TECPR2: variants seen among roughly 807,000 people sequenced by gnomAD.
TECPR2 encodes tectonin beta-propeller repeat containing 2.
In TECPR2, 65 loss-of-function variants were observed where a neutral mutation model predicts 138.1. That is an observed-to-expected ratio of 0.47 (90% confidence interval 0.39 to 0.58). The LOEUF is 0.58. Ranked by LOEUF, TECPR2 falls within the 20% of genes least tolerant of loss-of-function variation. The probability of loss-of-function intolerance (pLI) is 0.00; values close to 1 mark genes in which losing one functional copy is unlikely to be tolerated. For missense variants in TECPR2, 1,553 were observed against 1,824.5 expected (o/e 0.85, Z 2.71); for synonymous variants, 746 against 749.8 (o/e 0.99, Z 0.08).
At chr14:102,485,073 G>A (rs1027173622) in intron 17 of TECPR2, among the ~76,000 whole-genome samples, 1 of 152,194 alleles carries the variant, frequency 6.6e-6, no homozygotes, top group Non-Finnish European at 1.5e-5. Flanking sequence ...CTTCTTCAGC[G>A]CCCTGCAGGT....
Position 102,363,091 on chromosome 14 carries a change from C to CGAGTCCGGAGGGGCTGCCGCGGGAGGT in TECPR2, c.-89_-73+10dup. 1 of 474,630 alleles carries CGAGTCCGGAGGGGCTGCCGCGGGAGGT rather than the reference C, an allele frequency of 2.1e-6. No homozygotes were observed. Among genetic ancestry groups the CGAGTCCGGAGGGGCTGCCGCGGGAGGT allele is most frequent in the Non-Finnish European group, 3.7e-6 (1 of 272,452 alleles). The allele number at this position is 474,630 out of a possible 1,614,324, so 29.4% of individuals were successfully genotyped here. A position where few individuals can be genotyped will look rare whatever the true frequency, so the allele number is the denominator to read the frequency against. ...GCCTCCTCCGGCCCGGCGGGGCCGA[C>CGAGTCCGGAGGGGCTGCCGCGGGAGGT]GAGTCCGGAGGGGCTGCCGCGGGAG... On this transcript the variant is annotated 5_prime_UTR_variant, in exon 1 of 20. Transcript: ENST00000359520.
intron 7 of TECPR2, among the ~76,000 whole-genome samples, chr14:102,430,753 A>G (rs1889449480): frequency 6.6e-6 from 1 of 152,110 alleles, no homozygotes; most frequent in African/African-American, 2.4e-5. Context: ...GCCTGTTCTC[A>G]CTCTGCGGTC....
chr14:102,470,296 G>T (rs186884646), intron 17 of TECPR2, among the ~76,000 whole-genome samples: 79 of 148,558 alleles, frequency 5.3e-4, no homozygotes, highest in African/African-American at 1.8e-3. Flanking sequence ...TTCATTATAG[G>T]TCTATTCAGA....
chr14:102,450,550 C>T lies in TECPR2; in HGVS notation c.3317-10C>T. ...TTCTTTAACACATTCTTCCTATTTACTCTTTCCAGGCACCTACTGGAATCA... is the reference window on the plus strand; with the variant it reads ...TTCTTTAACACATTCTTCCTATTTATTCTTTCCAGGCACCTACTGGAATCA... On this transcript the variant is annotated splice_polypyrimidine_tract_variant and intron_variant, in intron 14 of 19. Transcript: ENST00000359520. The T allele has an allele frequency of 6.2e-7, 1 of 1,613,714 alleles. No individual in the cohort carries two copies. Among genetic ancestry groups the T allele is most frequent in the Non-Finnish European group, 8.5e-7 (1 of 1,179,618 alleles).
chr14:102,489,298 G>A (rs765358774), intron 17 of TECPR2, among the ~76,000 whole-genome samples: 12 of 151,846 alleles, frequency 7.9e-5, no homozygotes, highest in Admixed American at 2.0e-4. Context: ...TTCTACCTGG[G>A]ATTTTCCTCT....
intron 17 of TECPR2, among the ~76,000 whole-genome samples, chr14:102,480,127 A>G (rs1322186723): frequency 1.3e-5 from 2 of 151,812 alleles, no homozygotes; most frequent in African/African-American, 4.8e-5. Context: ...CCATCAGAGG[A>G]GCTTATTAAA....
At chr14:102,377,307 GC>G in intron 2 of TECPR2, among the ~76,000 whole-genome samples, 1 of 152,130 alleles carries the variant, frequency 6.6e-6, no homozygotes, top group Non-Finnish European at 1.5e-5. Flanking sequence ...AGGGATGACT[GC>G]CACACCCAGC....
Position 102,425,065 on chromosome 14 carries a change from T to A in TECPR2, c.725T>A (p.Leu242Gln). The change falls in exon 6 of 20, where the codon CTA becomes CAA. Residue 242 changes from leucine (L) to glutamine (Q), a missense_variant. Physicochemically the swap from Leu to Gln is moderately radical, Grantham distance 113. Coordinates refer to ENST00000359520, the MANE Select transcript of TECPR2 (RefSeq NM_014844.5). ...TLYASRPGLR[L>Q]WKADVHGTVQ... ...TATGCGTCACGGCCCGGGCTCCGGC[T>A]ATGGAAGGCTGATGTCCACGGGACT... 6.2e-7 allele frequency: 1 copy of A among 1,614,158 alleles called. No individual in the cohort carries two copies. Among genetic ancestry groups the A allele is most frequent in the African/African-American group, 1.3e-5 (1 of 75,016 alleles).
Position 102,443,504 on chromosome 14 carries a change from A to T in TECPR2, c.2753-143A>T. The T allele has an allele frequency of 1.4e-6, 1 of 695,006 alleles. No individual in the cohort carries two copies. The highest frequency in any genetic ancestry group is 2.0e-6 in the Non-Finnish European group (1 of 490,694). 43.1% of individuals were successfully genotyped at this position (695,006 alleles called of 1,614,324 possible). ...CGTCTATATTTTTAATTAATTAATT[A>T]ATTAAAGTTTTTTTTTAAAGCACTC... is the stretch of plus-strand genomic sequence containing the variant. On this transcript the variant is annotated intron_variant, in intron 11 of 19. Transcript: ENST00000359520. This position sits in a 1 kb window ranked among gnomAD's most constrained non-coding sequence, Gnocchi z 4.9.
chr14:102,365,534 A>G (rs1030219474), intron 1 of TECPR2, among the ~76,000 whole-genome samples: 1 of 152,370 alleles, frequency 6.6e-6, no homozygotes, highest in South Asian at 2.1e-4. Context: ...AAGGCTGTTC[A>G]GCAATAAAAA....
In TECPR2 at chr14:102,428,238, T is replaced by TC; in HGVS notation, c.952-12_952-11insC. 1 of 1,390,198 alleles carries TC rather than the reference T, an allele frequency of 7.2e-7. No individual in the cohort carries two copies. The highest frequency in any genetic ancestry group is 2.7e-5 in the East Asian group (1 of 36,578). The allele number at this position is 1,390,198 out of a possible 1,614,324, so 86.1% of individuals were successfully genotyped here. On this transcript the variant is annotated splice_polypyrimidine_tract_variant and intron_variant, in intron 6 of 19. Coordinates refer to ENST00000359520, the MANE Select transcript of TECPR2 (RefSeq NM_014844.5). ...GTGTTTTTTGTTTTTTTTTTTTTTT[T>TC]TTTTTTGACAGGCCACAGTTGCTGG... is the stretch of plus-strand genomic sequence containing the variant.
intron 17 of TECPR2, among the ~76,000 whole-genome samples, chr14:102,466,641 A>G (rs1890555223): frequency 6.6e-6 from 1 of 152,054 alleles, no homozygotes; most frequent in Non-Finnish European, 1.5e-5. Context: ...CCTTCTAACA[A>G]CTTTATATTT....
Position 102,497,113 on chromosome 14 carries a change from T to C in TECPR2, c.3924T>C (p.His1308=). The C allele has an allele frequency of 1.2e-6, 2 of 1,611,108 alleles. No individual in the cohort carries two copies. Among genetic ancestry groups the C allele is most frequent in the Non-Finnish European group, 8.5e-7 (1 of 1,179,858 alleles). Residue 1308 remains histidine, a synonymous_variant, in exon 18 of 20, where the codon CAT becomes CAC. Transcript: ENST00000359520. ...TGCCTGTGGGGACCGCCTGGGAGCA[T>C]GTGCCAGGTAGGAGCCTGCAGACAG... ...EEMPVGTAWE[H]VPGLQACQLA...
rs761550968 is a variant in TECPR2, at chr14:102,498,303, G to A, written c.*46G>A. On this transcript the variant is annotated 3_prime_UTR_variant, in exon 20 of 20. Transcript: ENST00000359520. ...GCGGAGGGGCCCGGCGTCTGTGGCG[G>A]GCACAGGGGCTTCAGAGTGACTCCC... 6.4e-7 allele frequency: 1 copy of A among 1,563,334 alleles called. No individual in the cohort carries two copies. The highest frequency in any genetic ancestry group is 8.6e-7 in the Non-Finnish European group (1 of 1,162,734).
At chr14:102,409,778 G>A (rs918790255) in intron 4 of TECPR2, among the ~76,000 whole-genome samples, 1 of 152,138 alleles carries the variant, frequency 6.6e-6, no homozygotes, top group Admixed American at 6.5e-5. Context: ...AGTACACCAT[G>A]TTAGAAGTTA....
chr14:102,431,894 G>C lies in TECPR2; in HGVS notation c.1183G>C (p.Gly395Arg), dbSNP rs1889502575. The change falls in exon 8 of 20, where the codon GGC (glycine) becomes CGC (arginine). Residue 395 changes from glycine to arginine, a missense_variant. Transcript: ENST00000359520. Reference protein sequence around the residue: ...GATVSETRLRGSSMASSVASE... With the variant: ...GATVSETRLRRSSMASSVASE... ...CACAGTTTCTGAGACGAGGCTCAGA[G>C]GCTCTTCCATGGCCAGCTCCGTGGC... 6.2e-7 allele frequency: 1 copy of C among 1,609,384 alleles called. No individual in the cohort carries two copies. The highest frequency in any genetic ancestry group is 8.5e-7 in the Non-Finnish European group (1 of 1,176,300).
intron 16 of TECPR2, among the ~76,000 whole-genome samples, chr14:102,461,123 G>T (rs538452483): frequency 6.6e-6 from 1 of 152,226 alleles, no homozygotes; most frequent in East Asian, 1.9e-4. Context: ...GAACCAAGTT[G>T]TAGCAGTTGA....
chr14:102,382,013 G>T (rs1887838757), intron 2 of TECPR2, among the ~76,000 whole-genome samples: 1 of 152,130 alleles, frequency 6.6e-6, no homozygotes. Context: ...TTACGTATAG[G>T]CCGGGCACGG....
At chr14:102,392,469 C>T (rs1392998805) in intron 2 of TECPR2, among the ~76,000 whole-genome samples, 1 of 152,072 alleles carries the variant, frequency 6.6e-6, no homozygotes, top group African/African-American at 2.4e-5. Context: ...TTCATTCCAC[C>T]CAGTGACATT....
Sources: allele counts gnomAD v4.1 joint callset (sites outside exome capture counted in the v4.1 genomes callset), GRCh38; gene constraint gnomAD v4.1.1; non-coding constraint Gnocchi (gnomAD v3.1); transcripts MANE v1.5; gene names NCBI Gene and HGNC (gene_info 2026-07-23, HGNC 2026-07-21).